The following FSIP2 variants were observed in gnomAD, a reference collection of about 807,000 sequenced individuals.
FSIP2 encodes fibrous sheath-interacting protein 2.
Under a neutral mutation model 510.5 loss-of-function variants are expected in FSIP2, and 367 were observed. The observed-to-expected ratio is 0.72, with a 90% CI of 0.66 to 0.78. The LOEUF (loss-of-function observed/expected upper bound fraction) is 0.78. Ranked by LOEUF, FSIP2 falls within the 30% of genes least tolerant of loss-of-function variation. The pLI is 0.00. For missense variants in FSIP2, 7,594 were observed against 7,901.7 expected (o/e 0.96, Z 1.48); for synonymous variants, 2,601 against 2,732.2 (o/e 0.95, Z 1.50).
intron 17 of FSIP2, 53 bp downstream of exon 17, chr2:185,809,186 T>G: frequency 6.7e-7 from 1 of 1,497,174 alleles, no homozygotes; most frequent in South Asian, 1.4e-5. Context: ...ACATGGTTCT[T>G]CTGTGATTTC....
Position 185,791,675 on chromosome 2 carries a change from A to T in FSIP2, c.4539A>T (p.Ser1513=). Residue 1513 remains serine (S), a synonymous_variant, in exon 16 of 23, where the codon TCA becomes TCT. Transcript: ENST00000424728. ...CAAGTTGTGGATTAAAAGCTATCTC[A>T]GAGTCTCTTGACATTGACAACCCAT... ...SFASCGLKAI[S]ESLDIDNPSF... 1 of 1,534,216 alleles carries T rather than the reference A, an allele frequency of 6.5e-7. No homozygotes were observed. The highest frequency in any genetic ancestry group is 8.7e-7 in the Non-Finnish European group (1 of 1,145,570).
At chr2:185,745,298 A>C in intron 4 of FSIP2, 131 bp from the exon 5 acceptor site, 1 of 507,492 alleles carries the variant, frequency 2.0e-6, no homozygotes. Flanking sequence ...TGTGTCTTTA[A>C]TGGATTCAAA....
chr2:185,777,122 G>A (rs948629886), intron 13 of FSIP2, among the ~76,000 whole-genome samples: 11 of 152,156 alleles, frequency 7.2e-5, no homozygotes, highest in African/African-American at 2.2e-4. Context: ...AATACATAAT[G>A]AATAGGCATG....
rs552439419 is a variant in FSIP2 at position 185,789,703 on chromosome 2, A to G, written c.2567A>G (p.His856Arg). The G allele has an allele frequency of 2.0e-6, 3 of 1,534,284 alleles. No individual in the cohort carries two copies. Among genetic ancestry groups the G allele is most frequent in the African/African-American group, 1.4e-5 (1 of 72,930 alleles). The change falls in exon 16 of 23, where the codon CAT becomes CGT. Residue 856 changes from histidine (H) to arginine (R), a missense_variant. Physicochemically the swap from His to Arg is conservative, Grantham distance 29. Coordinates refer to ENST00000424728, the MANE Select transcript of FSIP2 (RefSeq NM_173651.4). The part of the protein sequence containing the change: ...KDTNKLSCQQ[H>R]KTDPICMFLQ... ...ACAAATAAGCTTTCCTGCCAGCAAC[A>G]TAAGACAGACCCAATATGTATGTTC... is the stretch of plus-strand genomic sequence containing the variant.
At position 185,792,120 on chromosome 2, in the gene FSIP2, T is replaced by G. The variant is rs1478195272; in HGVS notation, c.4984T>G (p.Ser1662Ala). Residue 1662 changes from serine to alanine, a missense_variant, in exon 16 of 23, where the codon TCA becomes GCA. Transcript: ENST00000424728. ...KVIQTELNVT[S>A]SDLKTSVENP... ...TATTCAAACAGAATTAAATGTGACCTCATCAGATTTGAAGACAAGTGTAGA... is the reference window on the plus strand; with the variant it reads ...TATTCAAACAGAATTAAATGTGACCGCATCAGATTTGAAGACAAGTGTAGA... 6.5e-7 allele frequency: 1 copy of G among 1,533,834 alleles called. No individual in the cohort carries two copies. Among genetic ancestry groups the G allele is most frequent in the Non-Finnish European group, 8.7e-7 (1 of 1,145,332 alleles).
intron 19 of FSIP2, among the ~76,000 whole-genome samples, chr2:185,822,089 T>A (rs1200723277): frequency 6.6e-6 from 1 of 151,958 alleles, no homozygotes; most frequent in Non-Finnish European, 1.5e-5. Context: ...TAAGGTCATA[T>A]ATGAAACATC....
chr2:185,800,739 T>C lies in FSIP2; in HGVS notation c.11433T>C (p.Cys3811=). Residue 3811 remains cysteine, a synonymous_variant, in exon 17 of 23, where the codon TGT becomes TGC. Transcript: ENST00000424728. ...KSDYRKGGMD[C]ECLQVDYMSD... ...ATTATCGTAAGGGAGGAATGGACTGTGAATGCCTTCAAGTAGATTACATGT... is the reference window on the plus strand; with the variant it reads ...ATTATCGTAAGGGAGGAATGGACTGCGAATGCCTTCAAGTAGATTACATGT... 2 of 1,533,744 alleles carry C rather than the reference T, an allele frequency of 1.3e-6. No individual in the cohort carries two copies. The highest frequency in any genetic ancestry group is 1.7e-4 in the Middle Eastern group (1 of 5,972).
intron 22 of FSIP2, among the ~76,000 whole-genome samples, chr2:185,832,587 T>C (rs985990274): frequency 6.6e-6 from 1 of 151,694 alleles, no homozygotes; most frequent in African/African-American, 2.4e-5. Flanking sequence ...TATTTCTTTA[T>C]GTATAAAATA....
At position 185,793,300 on chromosome 2, in the gene FSIP2, G is replaced by A; in HGVS notation, c.6164G>A (p.Cys2055Tyr). The A allele has an allele frequency of 6.5e-7, 1 of 1,534,206 alleles. No individual in the cohort carries two copies. The highest frequency in any genetic ancestry group is 8.7e-7 in the Non-Finnish European group (1 of 1,145,600). Residue 2055 changes from cysteine (C) to tyrosine (Y), a missense_variant, in exon 16 of 23, where the codon TGT becomes TAT. Transcript: ENST00000424728. ...GACATTATATCACGTAAAGGCAAAT[G>A]TGACAAAAACAGTTCTGACAAAGAG... ...LLDIISRKGK[C>Y]DKNSSDKEID... is the part of the protein sequence containing the mutation.
rs775437559 is a variant in FSIP2 at position 185,805,605 on chromosome 2, T to G, written c.16299T>G (p.Cys5433Trp). ...ACACCTTTACACAAATAAGCAGATG[T>G]GCAAAAGAGAACCAACTTTCTTTAC... ...PQNTFTQISR[C>W]AKENQLSLPD... The change falls in exon 17 of 23, where the codon TGT becomes TGG. Residue 5433 changes from cysteine (C) to tryptophan (W), a missense_variant. Cys to Trp is a radical substitution (Grantham distance 215, BLOSUM62 -2). Coordinates refer to ENST00000424728, the MANE Select transcript of FSIP2 (RefSeq NM_173651.4). 4 of 1,609,012 alleles carry G rather than the reference T, an allele frequency of 2.5e-6. No individual in the cohort carries two copies. The Admixed American group carries it at 6.8e-5, about 27-fold the overall frequency.
At position 185,802,251 on chromosome 2, in the gene FSIP2, AC is replaced by A. The variant is rs1157661246; in HGVS notation, c.12946del (p.Leu4316PhefsTer16). The A allele has an allele frequency of 1.6e-5, 25 of 1,533,720 alleles. No homozygotes were observed. The highest frequency in any genetic ancestry group is 1.8e-5 in the Non-Finnish European group (21 of 1,145,352). ...CATTTGTAAGGGAGATTGTTGCCAG[AC>A]TTTTGTCAAAGATTTTCAGCCCAAA... is the stretch of plus-strand genomic sequence containing the variant. ...DSFVREIVAR[L>X]LSKIFSPKHN... On this transcript the variant is annotated frameshift_variant, in exon 17 of 23. Transcript: ENST00000424728. LOFTEE classifies it high-confidence loss of function.
At position 185,803,955 on chromosome 2, in the gene FSIP2, T is replaced by C. The variant is rs1408244728; in HGVS notation, c.14649T>C (p.Asp4883=). The change falls in exon 17 of 23, where the codon GAT becomes GAC. Residue 4883 remains aspartate (D), a synonymous_variant. Coordinates refer to ENST00000424728, the MANE Select transcript of FSIP2 (RefSeq NM_173651.4). ...HSNIYQSITK[D]KKSISDIPVS... is the part of the protein sequence containing the mutation. ...ATATATACCAGTCCATTACAAAAGA[T>C]AAAAAGAGCATAAGTGACATACCTG... The C allele has an allele frequency of 1.3e-6, 2 of 1,507,732 alleles. No homozygotes were observed. The highest frequency in any genetic ancestry group is 1.8e-6 in the Non-Finnish European group (2 of 1,130,614). The allele number at this position is 1,507,732 out of a possible 1,614,324, so 93.4% of individuals were successfully genotyped here.
chr2:185,802,652 A>G lies in FSIP2; in HGVS notation c.13346A>G (p.Lys4449Arg). 1 of 1,533,554 alleles carries G rather than the reference A, an allele frequency of 6.5e-7. No individual in the cohort carries two copies. The highest frequency in any genetic ancestry group is 1.2e-5 in the South Asian group (1 of 83,956). The allele number at this position is 1,533,554 out of a possible 1,614,324, so 95.0% of individuals were successfully genotyped here. Residue 4449 changes from lysine to arginine, a missense_variant, in exon 17 of 23, where the codon AAA (lysine) becomes AGA (arginine). By Grantham distance (26) the Lys-to-Arg change is conservative (BLOSUM62 2). Transcript: ENST00000424728. Reference sequence around the variant, plus strand: ...CAGGACATCCTTAGTAACATCAGTAAATCTACTGAGCCAAGCCAGAGTGTA... The same window carrying G: ...CAGGACATCCTTAGTAACATCAGTAGATCTACTGAGCCAAGCCAGAGTGTA... ...IVQDILSNIS[K>R]STEPSQSVPL...
At position 185,756,175 on chromosome 2, in the gene FSIP2, T is replaced by C. The variant is rs1559012752; in HGVS notation, c.992-17T>C. 1 of 1,000,436 alleles carries C rather than the reference T, an allele frequency of 1.0e-6. No homozygotes were observed. Among genetic ancestry groups the C allele is most frequent in the Non-Finnish European group, 1.4e-6 (1 of 694,556 alleles). 62.0% of individuals were successfully genotyped at this position (1,000,436 alleles called of 1,614,324 possible). A position where few individuals can be genotyped will look rare whatever the true frequency, so the allele number is the denominator to read the frequency against. On this transcript the variant is annotated splice_polypyrimidine_tract_variant and intron_variant, in intron 8 of 22. Coordinates refer to ENST00000424728, the MANE Select transcript of FSIP2 (RefSeq NM_173651.4). ...TCATCATAAGTAAAAATAAATGTTT[T>C]ATTATATTTCTTTAAGCTTCTCCAA...
At chr2:185,749,452 G>A (rs1172582678) in intron 7 of FSIP2, among the ~76,000 whole-genome samples, 1 of 151,770 alleles carries the variant, frequency 6.6e-6, no homozygotes, top group Non-Finnish European at 1.5e-5. Flanking sequence ...AATACTTAAT[G>A]CTAGCATTTA....
intron 19 of FSIP2, among the ~76,000 whole-genome samples, chr2:185,823,446 C>A (rs368422754): frequency 5.3e-5 from 8 of 151,100 alleles, no homozygotes; most frequent in African/African-American, 1.9e-4. Flanking sequence ...CTAACAGGCA[C>A]ATAAAATGAT....
In FSIP2 at chr2:185,794,976, T is replaced by C; in HGVS notation, c.7840T>C (p.Ser2614Pro). The stretch of plus-strand genomic sequence containing the variant: ...TTCTTATGTCGACAGTCAAAATATC[T>C]CTGTGATGGAAAACACTCTTTTGCC... ...AYSYVDSQNISVMENTLLPYL... is the reference protein window; with the variant it reads ...AYSYVDSQNIPVMENTLLPYL... Residue 2614 changes from serine to proline, a missense_variant, in exon 16 of 23, where the codon TCT (serine) becomes CCT (proline). By Grantham distance (74) the Ser-to-Pro change is moderately conservative (BLOSUM62 -1). Transcript: ENST00000424728. 1 of 1,533,670 alleles carries C rather than the reference T, an allele frequency of 6.5e-7. No individual in the cohort carries two copies. The highest frequency in any genetic ancestry group is 8.7e-7 in the Non-Finnish European group (1 of 1,145,438).
rs142564659 is a variant in FSIP2 at position 185,762,332 on chromosome 2, G to A, written c.1240+315G>A. 2.5e-3 allele frequency among the ~76,000 whole-genome samples: 374 copies of A among 151,204 alleles called. 2 individuals are homozygous for A. The highest frequency in any genetic ancestry group is 8.6e-3 in the African/African-American group (357 of 41,392). On this transcript the variant is annotated intron_variant, in intron 11 of 22. Coordinates refer to ENST00000424728, the MANE Select transcript of FSIP2 (RefSeq NM_173651.4). ...AATACAAAGAACTATCCCCAAGATT[G>A]TTTCCATATTTCACTGCCATTAATT...
rs3057716 is a variant in FSIP2 at position 185,774,581 on chromosome 2, AT to A, written c.1412-8112del. On this transcript the variant is annotated intron_variant, in intron 13 of 22. Coordinates refer to ENST00000424728, the MANE Select transcript of FSIP2 (RefSeq NM_173651.4). ...TTATGACTGCAAACCATCAAGCAGGATTTTTTTTTTTTACTATACTTTAAGT... is the reference window on the plus strand; with the variant it reads ...TTATGACTGCAAACCATCAAGCAGGATTTTTTTTTTTACTATACTTTAAGT... Among the ~76,000 whole-genome samples, 857 of 149,552 alleles carry A rather than the reference AT, an allele frequency of 5.7e-3. 7 individuals are homozygous for A. Among genetic ancestry groups the A allele is most frequent in the African/African-American group, 0.019 (775 of 40,718 alleles).
Sources: allele counts gnomAD v4.1 joint callset (sites outside exome capture counted in the v4.1 genomes callset), GRCh38; gene constraint gnomAD v4.1.1; transcripts MANE v1.5; gene names NCBI Gene and HGNC (gene_info 2026-07-23, HGNC 2026-07-21).